The following DMD variants were observed in gnomAD, a reference collection of about 807,000 sequenced individuals.
DMD encodes the protein mutant dystrophin.
A neutral mutation model predicts 330.1 loss-of-function variants in DMD; 63 were observed. The observed-to-expected ratio is 0.19, with a 90% CI of 0.16 to 0.24. The LOEUF is 0.24. Among genes scored for constraint, DMD ranks in the 10% least tolerant of loss-of-function variants. DMD has a pLI of 1.00. For synonymous variants in DMD, 1,223 were observed against 959.8 expected (o/e 1.27, Z -5.07); for missense variants, 3,344 against 2,684.1 (o/e 1.25, Z -5.43).
intron 60 of DMD, among the ~76,000 whole-genome samples, chrX:31,423,795 C>A (rs993147339): frequency 9.0e-6 from 1 of 111,326 alleles, no homozygotes; most frequent in African/African-American, 3.3e-5. Flanking sequence ...TCAGGGACGG[C>A]AAATTAGGCT....
chrX:31,516,719 T>C (rs1253342002), intron 55 of DMD, among the ~76,000 whole-genome samples: 5 of 111,914 alleles, frequency 4.5e-5, no homozygotes, highest in Non-Finnish European at 9.4e-5. Flanking sequence ...GCAGGGTTTG[T>C]TGTCTTTGCT....
intron 67 of DMD, among the ~76,000 whole-genome samples, chrX:31,191,036 T>C (rs1020766187): frequency 8.9e-6 from 1 of 112,095 alleles, no homozygotes; most frequent in Non-Finnish European, 1.9e-5. Context: ...GGAAACACGC[T>C]AAAATTGTAG....
intron 47 of DMD, among the ~76,000 whole-genome samples, chrX:31,879,828 T>C (rs2094031847): frequency 8.9e-6 from 1 of 112,429 alleles, no homozygotes; most frequent in African/African-American, 3.2e-5. Flanking sequence ...TCTATGTGTT[T>C]TAAATTAATT....
chrX:31,725,395 T>G (rs944308006), intron 52 of DMD, among the ~76,000 whole-genome samples: 11 of 111,229 alleles, frequency 9.9e-5, no homozygotes, highest in African/African-American at 3.3e-4. Context: ...GGGGTGGTGG[T>G]GGGGGGCGAA....
intron 60 of DMD, among the ~76,000 whole-genome samples, chrX:31,362,634 T>C (rs2733474): frequency 6.2e-5 from 7 of 112,679 alleles, no homozygotes; most frequent in Non-Finnish European, 1.1e-4. Context: ...CTTTGTAATA[T>C]ATAATGAAGA....
intron 60 of DMD, among the ~76,000 whole-genome samples, chrX:31,370,079 A>G (rs2059464449): frequency 1.1e-5 from 1 of 94,273 alleles, no homozygotes; most frequent in Non-Finnish European, 2.1e-5. Flanking sequence ...AAGCTGGGCG[A>G]CAGAGCGAGG....
chrX:31,476,639 C>T (rs1015039578), intron 59 of DMD, among the ~76,000 whole-genome samples: 6 of 109,804 alleles, frequency 5.5e-5, no homozygotes, highest in African/African-American at 2.0e-4. Context: ...ATTCTCTAGG[C>T]AAGTATTCTC....
intron 15 of DMD, among the ~76,000 whole-genome samples, chrX:32,568,509 G>GA (rs35867606): frequency 0.43 from 39,541 of 91,820 alleles, 7,516 homozygotes; most frequent in East Asian, 0.75. Context: ...TCCATCTCAA[G>GA]AAAAAAAAAA....
intron 44 of DMD, among the ~76,000 whole-genome samples, chrX:32,162,769 G>A (rs2096854841): frequency 9.4e-6 from 1 of 105,835 alleles, no homozygotes; most frequent in Non-Finnish European, 1.9e-5. Flanking sequence ...TAGTAGAGAT[G>A]GGGGTTCACC....
intron 1 of DMD, among the ~76,000 whole-genome samples, chrX:33,056,138 T>A (rs1339250047): frequency 9.0e-6 from 1 of 110,590 alleles, no homozygotes. Context: ...CCAATGAATG[T>A]AAATATTAGC....
intron 2 of DMD, among the ~76,000 whole-genome samples, chrX:33,012,312 C>T (rs1051852261): frequency 9.0e-5 from 10 of 111,548 alleles, no homozygotes; most frequent in African/African-American, 3.2e-4. Flanking sequence ...GACAAGTCAT[C>T]TTAACACCAA....
chrX:32,735,333 A>C (rs751702079), intron 7 of DMD, among the ~76,000 whole-genome samples: 3 of 110,646 alleles, frequency 2.7e-5, no homozygotes, highest in South Asian at 3.9e-4. Flanking sequence ...GAAAATGGCC[A>C]TACTGCCCAA....
intron 43 of DMD, among the ~76,000 whole-genome samples, chrX:32,238,105 C>T (rs1035466972): frequency 3.6e-5 from 4 of 111,729 alleles, no homozygotes; most frequent in African/African-American, 1.3e-4. Context: ...ATTTTCTCCG[C>T]ACAATTTATA....
chrX:32,503,680 C>G (rs972431446), intron 18 of DMD, among the ~76,000 whole-genome samples: 1 of 110,408 alleles, frequency 9.1e-6, no homozygotes, highest in Non-Finnish European at 1.9e-5. Flanking sequence ...TTCAGCCTCC[C>G]GAGTAGCCGG....
At chrX:31,644,827 A>T (rs1439844317) in intron 54 of DMD, among the ~76,000 whole-genome samples, 1 of 111,557 alleles carries the variant, frequency 9.0e-6, no homozygotes, top group African/African-American at 3.3e-5. Flanking sequence ...ATAGTTGCTA[A>T]GAGTTATGGG....
At chrX:33,154,736 T>G (rs923565711) in intron 1 of DMD, among the ~76,000 whole-genome samples, 10 of 111,568 alleles carry the variant, frequency 9.0e-5, no homozygotes, top group Non-Finnish European at 9.4e-5. Context: ...CTACATAAAC[T>G]CTATTCATGG....
At chrX:31,715,814 G>A (rs944735518) in intron 52 of DMD, among the ~76,000 whole-genome samples, 25 of 110,882 alleles carry the variant, frequency 2.3e-4, no homozygotes, top group Non-Finnish European at 4.5e-4. Flanking sequence ...TTTGCTTTGG[G>A]TTTCTTCTGG....
At chrX:32,902,048 A>G (rs2086293817) in intron 2 of DMD, among the ~76,000 whole-genome samples, 1 of 109,537 alleles carries the variant, frequency 9.1e-6, no homozygotes, top group Non-Finnish European at 1.9e-5. Context: ...TATATTGTGT[A>G]AGTATTTATA....
At position 31,245,766 on chromosome X, in the gene DMD, C is replaced by T. The variant is rs183400945; in HGVS notation, c.9286+15189G>A. ...AACCACACCCACATAAGATGGCAAA[C>T]TTAATTGATCAACGTCATACGTGTT... On this transcript the variant is annotated intron_variant, in intron 63 of 78. Coordinates refer to ENST00000357033, the MANE Select transcript of DMD (RefSeq NM_004006.3). Among the ~76,000 whole-genome samples the T allele has an allele frequency of 8.1e-5, 9 of 111,660 alleles. No homozygotes were observed. The East Asian group carries it at 2.2e-3, about 28-fold the overall frequency.
Sources: allele counts gnomAD v4.1 joint callset (sites outside exome capture counted in the v4.1 genomes callset), GRCh38; gene constraint gnomAD v4.1.1; transcripts MANE v1.5; gene names NCBI Gene and HGNC (gene_info 2026-07-23, HGNC 2026-07-21).